CNTNAP2: variants seen among roughly 807,000 people sequenced by gnomAD.
The protein encoded by CNTNAP2 is contactin associated protein 2.
Under a neutral mutation model 155.2 loss-of-function variants are expected in CNTNAP2, and 98 were observed. The ratio of observed to expected loss-of-function variants is 0.63; its 90% CI spans 0.54 to 0.75. The LOEUF (loss-of-function observed/expected upper bound fraction) is 0.75, where lower values mean the gene tolerates loss of function less well. Among genes scored for constraint, CNTNAP2 ranks in the 30% least tolerant of loss-of-function variants. The pLI, the probability that CNTNAP2 is intolerant of heterozygous loss-of-function variation, is 0.00. For missense variants in CNTNAP2, 1,727 were observed against 1,688.1 expected (o/e 1.02, Z -0.40); for synonymous variants, 651 against 631.2 (o/e 1.03, Z -0.47).
chr7:146,549,303 G>A (rs1563130308), intron 1 of CNTNAP2, among the ~76,000 whole-genome samples: 1 of 151,926 alleles, frequency 6.6e-6, no homozygotes, highest in African/African-American at 2.4e-5. Flanking sequence ...TTCAAGTACA[G>A]ATACATTCTA....
intron 1 of CNTNAP2, among the ~76,000 whole-genome samples, chr7:146,573,969 A>G (rs1245048861): frequency 6.6e-6 from 1 of 152,212 alleles, no homozygotes; most frequent in African/African-American, 2.4e-5. Flanking sequence ...AGATGTTATT[A>G]TGTTGTCTTA....
At chr7:147,812,877 A>T (rs532169023) in intron 13 of CNTNAP2, among the ~76,000 whole-genome samples, 1 of 152,302 alleles carries the variant, frequency 6.6e-6, no homozygotes, top group South Asian at 2.1e-4. Flanking sequence ...GCTGGTGTAG[A>T]CTAACATATA....
chr7:146,584,682 G>A (rs572498564), intron 1 of CNTNAP2, among the ~76,000 whole-genome samples: 7 of 152,070 alleles, frequency 4.6e-5, no homozygotes, highest in Admixed American at 1.3e-4. Flanking sequence ...TCCAGAAGCC[G>A]GCCCTGCCCC....
At chr7:147,728,041 T>C (rs1796673696) in intron 13 of CNTNAP2, among the ~76,000 whole-genome samples, 1 of 151,968 alleles carries the variant, frequency 6.6e-6, no homozygotes, top group African/African-American at 2.4e-5. Flanking sequence ...AAGCATCAGA[T>C]TGTTTTGGGC....
At chr7:148,193,912 C>T (rs899712900) in intron 18 of CNTNAP2, among the ~76,000 whole-genome samples, 2 of 151,354 alleles carry the variant, frequency 1.3e-5, no homozygotes, top group Non-Finnish European at 2.9e-5. Context: ...GAATCCTTCC[C>T]GTTTCCTTCT....
At chr7:146,964,689 T>G (rs1797621315) in intron 3 of CNTNAP2, among the ~76,000 whole-genome samples, 1 of 152,198 alleles carries the variant, frequency 6.6e-6, no homozygotes, top group African/African-American at 2.4e-5. Flanking sequence ...ATCTCCTTTT[T>G]ATGTACAGCA....
At chr7:148,097,270 T>C (rs187962444) in intron 15 of CNTNAP2, among the ~76,000 whole-genome samples, 9 of 143,304 alleles carry the variant, frequency 6.3e-5, no homozygotes, top group Admixed American at 5.9e-4. Context: ...CCGTCAGTGC[T>C]ACCAAACTCC....
chr7:146,641,058 G>T (rs1799697043), intron 1 of CNTNAP2, among the ~76,000 whole-genome samples: 1 of 152,214 alleles, frequency 6.6e-6, no homozygotes, highest in Non-Finnish European at 1.5e-5. Context: ...CAGGCACGGT[G>T]GCTCGTGCCT....
chr7:147,696,563 G>T (rs1417030227), intron 13 of CNTNAP2, among the ~76,000 whole-genome samples: 1 of 152,060 alleles, frequency 6.6e-6, no homozygotes, highest in East Asian at 1.9e-4. Context: ...AAAAATAAAA[G>T]TTTTTGTTGT....
At chr7:147,363,542 A>T (rs1196547114) in intron 9 of CNTNAP2, among the ~76,000 whole-genome samples, 2 of 152,078 alleles carry the variant, frequency 1.3e-5, no homozygotes, top group Non-Finnish European at 2.9e-5. Flanking sequence ...TTTTTTAAAA[A>T]TGTTCTCTTT....
At chr7:147,174,059 T>A (rs1413504383) in intron 8 of CNTNAP2, among the ~76,000 whole-genome samples, 1 of 152,128 alleles carries the variant, frequency 6.6e-6, no homozygotes, top group Non-Finnish European at 1.5e-5. Context: ...GAATCATGTA[T>A]GTCCTCAAAA....
At position 148,239,193 on chromosome 7, in the gene CNTNAP2, C is replaced by T. The variant is rs73474281; in HGVS notation, c.3381+9414C>T. 7.5e-3 allele frequency among the ~76,000 whole-genome samples: 1,147 copies of T among 152,312 alleles called. 10 individuals carry two copies. Among genetic ancestry groups the T allele is most frequent in the African/African-American group, 0.026 (1,099 of 41,566 alleles). ...CAAGAATAATGATGAGCCATTTGAA[C>T]ACTCTGGCTTCTTCCCTTCCAGAAG... On this transcript the variant is annotated intron_variant, in intron 20 of 23. Coordinates refer to ENST00000361727, the MANE Select transcript of CNTNAP2 (RefSeq NM_014141.6).
At chr7:148,264,458 CAG>C (rs921444024) in intron 20 of CNTNAP2, among the ~76,000 whole-genome samples, 1 of 151,166 alleles carries the variant, frequency 6.6e-6, no homozygotes, top group African/African-American at 2.4e-5. Context: ...TTTATCGACA[CAG>C]AGCGACATTC....
chr7:146,688,994 T>A (rs1800651352), intron 1 of CNTNAP2, among the ~76,000 whole-genome samples: 2 of 152,208 alleles, frequency 1.3e-5, no homozygotes, highest in South Asian at 2.1e-4. Context: ...GCTTACATGA[T>A]GCTTCAAAAA....
intron 10 of CNTNAP2, among the ~76,000 whole-genome samples, chr7:147,396,559 A>G (rs926160069): frequency 1.3e-5 from 2 of 152,060 alleles, no homozygotes; most frequent in African/African-American, 2.4e-5. Context: ...AATTTTTAAT[A>G]AAAACTTTAA....
chr7:148,383,971 A>T, intron 22 of CNTNAP2, 83 bp downstream of exon 22: 1 of 1,524,844 alleles, frequency 6.6e-7, no homozygotes. Context: ...ATTTAATAAC[A>T]GAACCTCACT....
chr7:148,147,448 G>A (rs1190941202), intron 16 of CNTNAP2, 43 bp from the exon 17 acceptor site: 3 of 1,576,736 alleles, frequency 1.9e-6, no homozygotes, highest in Non-Finnish European at 2.6e-6. Flanking sequence ...TTTGGTATCT[G>A]GGAGAAAAAT....
intron 1 of CNTNAP2, among the ~76,000 whole-genome samples, chr7:146,617,518 C>T (rs1018994824): frequency 6.6e-6 from 1 of 152,242 alleles, no homozygotes; most frequent in Non-Finnish European, 1.5e-5. Flanking sequence ...TTGGCAATTT[C>T]GAATAGCCAT....
intron 1 of CNTNAP2, among the ~76,000 whole-genome samples, chr7:146,517,731 T>C (rs1430959348): frequency 6.6e-6 from 1 of 151,848 alleles, no homozygotes; most frequent in African/African-American, 2.4e-5. Flanking sequence ...CAGAGACCAC[T>C]CCAGGAACTC....
Sources: allele counts gnomAD v4.1 joint callset (sites outside exome capture counted in the v4.1 genomes callset), GRCh38; gene constraint gnomAD v4.1.1; transcripts MANE v1.5; gene names NCBI Gene and HGNC (gene_info 2026-07-23, HGNC 2026-07-21).